The following IL20RB variants were observed in gnomAD, a reference collection of about 807,000 sequenced individuals.
IL20RB encodes interleukin-20 receptor subunit beta.
Under a neutral mutation model 33.3 loss-of-function variants are expected in IL20RB, and 21 were observed. The ratio of observed to expected loss-of-function variants is 0.63; its 90% CI spans 0.45 to 0.91. The LOEUF is 0.91. Ranked by LOEUF, IL20RB falls within the 40% of genes least tolerant of loss-of-function variation. The probability of loss-of-function intolerance (pLI) is 0.00; values close to 1 mark genes in which losing one functional copy is unlikely to be tolerated. For synonymous variants in IL20RB, 147 were observed against 146.8 expected, an observed-to-expected ratio of 1.00 and a Z score of -0.01; for missense variants, 345 against 384.8, an observed-to-expected ratio of 0.90 and a Z score of 0.86.
At chr3:136,988,576 C>CA (rs1941964223) in intron 3 of IL20RB, among the ~76,000 whole-genome samples, 1 of 151,854 alleles carries the variant, frequency 6.6e-6, no homozygotes, top group African/African-American at 2.4e-5. Context: ...CCCATCTCTA[C>CA]AAAAAATACA....
intron 1 of IL20RB, among the ~76,000 whole-genome samples, chr3:136,974,906 A>G (rs925381716): frequency 6.6e-6 from 1 of 152,120 alleles, no homozygotes; most frequent in Admixed American, 6.5e-5. Flanking sequence ...GAAGCTTTCA[A>G]ATGTATTTTG....
At chr3:137,006,435 C>T (rs1378289353) in intron 6 of IL20RB, among the ~76,000 whole-genome samples, 21 of 152,150 alleles carry the variant, frequency 1.4e-4, no homozygotes. Context: ...TTCACATAGT[C>T]CCATATTTCT....
intron 5 of IL20RB, among the ~76,000 whole-genome samples, chr3:136,992,922 A>G (rs922471142): frequency 6.6e-6 from 1 of 152,208 alleles, no homozygotes; most frequent in African/African-American, 2.4e-5. Context: ...CTGTAGTCCT[A>G]TAACATACAC....
chr3:136,990,795 G>A (rs1326505492), intron 4 of IL20RB, among the ~76,000 whole-genome samples: 7 of 151,428 alleles, frequency 4.6e-5, no homozygotes, highest in African/African-American at 1.2e-4. Flanking sequence ...CCCATGAAAG[G>A]TGGTGTGGGC....
intron 4 of IL20RB, among the ~76,000 whole-genome samples, chr3:136,991,065 G>A (rs1942022370): frequency 6.6e-6 from 1 of 152,206 alleles, no homozygotes; most frequent in Non-Finnish European, 1.5e-5. Context: ...ATCAGATGCA[G>A]AGCACAGCCT....
rs1386485066 is a variant in IL20RB at position 137,010,584 on chromosome 3, A to G, written c.*361A>G. The G allele has an allele frequency of 5.8e-6, 1 of 172,186 alleles. No individual in the cohort carries two copies. The highest frequency in any genetic ancestry group is 2.4e-5 in the African/African-American group (1 of 42,218). The allele number at this position is 172,186 out of a possible 1,614,324, so 10.7% of individuals were successfully genotyped here. The stretch of plus-strand genomic sequence containing the variant: ...TCTCTCTATATATACACACGTACAC[A>G]TAAATACACCCAGCACTTGCAAGGC... On this transcript the variant is annotated 3_prime_UTR_variant, in exon 7 of 7. Transcript: ENST00000329582.
At chr3:136,991,414 G>T (rs920856670) in intron 4 of IL20RB, among the ~76,000 whole-genome samples, 2 of 152,082 alleles carry the variant, frequency 1.3e-5, no homozygotes, top group Non-Finnish European at 2.9e-5. Context: ...TCAATGCTAG[G>T]TCCCTGTGCT....
chr3:136,995,887 G>A (rs1282828471), intron 6 of IL20RB, among the ~76,000 whole-genome samples: 1 of 152,200 alleles, frequency 6.6e-6, no homozygotes, highest in South Asian at 2.1e-4. Context: ...AGACTGGCCT[G>A]CTGAGCATTC....
intron 6 of IL20RB, among the ~76,000 whole-genome samples, chr3:137,003,033 T>A (rs1186598468): frequency 6.6e-6 from 1 of 152,226 alleles, no homozygotes; most frequent in East Asian, 1.9e-4. Context: ...GGGAATCCTT[T>A]CCCCATTTCT....
chr3:136,999,979 C>T lies in IL20RB; in HGVS notation c.825+4423C>T, dbSNP rs546011450. Among the ~76,000 whole-genome samples, 246 of 152,260 alleles carry T rather than the reference C, an allele frequency of 1.6e-3. 2 individuals carry two copies. The Middle Eastern group carries it at 0.017, about 11-fold the overall frequency. On this transcript the variant is annotated intron_variant, in intron 6 of 6. Transcript: ENST00000329582. ...TCTTTGCTAATTTCACCAGGTGGGT[C>T]ATGTCAAGGTTGGCCTCTATTGATC... is the stretch of plus-strand genomic sequence containing the variant.
intron 1 of IL20RB, among the ~76,000 whole-genome samples, chr3:136,971,739 A>T (rs995220854): frequency 4.6e-5 from 7 of 152,122 alleles, no homozygotes; most frequent in Non-Finnish European, 1.0e-4. Flanking sequence ...TCATCCACTG[A>T]TGGACACTTA....
intron 6 of IL20RB, among the ~76,000 whole-genome samples, chr3:136,998,916 T>A (rs539108758): frequency 6.6e-6 from 1 of 152,180 alleles, no homozygotes; most frequent in Non-Finnish European, 1.5e-5. Context: ...CATTCCCCTA[T>A]GTGAAATGTG....
At chr3:136,991,335 T>C (rs762999512) in intron 4 of IL20RB, among the ~76,000 whole-genome samples, 2 of 152,326 alleles carry the variant, frequency 1.3e-5, no homozygotes, top group South Asian at 2.1e-4. Flanking sequence ...CACCACCTGA[T>C]GTGTATTTTT....
At chr3:136,973,873 G>A (rs1425513861) in intron 1 of IL20RB, among the ~76,000 whole-genome samples, 2 of 152,008 alleles carry the variant, frequency 1.3e-5, no homozygotes, top group Non-Finnish European at 2.9e-5. Context: ...TTTGATATAA[G>A]TATAGCTACT....
intron 6 of IL20RB, among the ~76,000 whole-genome samples, chr3:137,003,083 T>C (rs986038342): frequency 6.6e-6 from 1 of 152,186 alleles, no homozygotes; most frequent in African/African-American, 2.4e-5. Flanking sequence ...TGGTTGTAGA[T>C]GTGTGGTGTT....
intron 4 of IL20RB, 55 bp downstream of exon 4, chr3:136,989,620 T>C (rs761472919): frequency 5.6e-6 from 9 of 1,603,852 alleles, no homozygotes; most frequent in Non-Finnish European, 7.7e-6. Flanking sequence ...GGCACAGATT[T>C]CTGAGGGTGA....
intron 6 of IL20RB, among the ~76,000 whole-genome samples, chr3:136,996,761 G>A (rs1052298426): frequency 1.3e-5 from 2 of 152,128 alleles, no homozygotes; most frequent in African/African-American, 4.8e-5. Context: ...CATAAAGCTT[G>A]GCAGTGTCCT....
In IL20RB at chr3:136,980,423, C is replaced by T; in HGVS notation, c.89-43C>T. On this transcript the variant is annotated intron_variant, in intron 1 of 6. Transcript: ENST00000329582. ...AATTTGAAGCTATGGCATTCCCCCA[C>T]TATGAGCCCACCTGTCAGCCAGGCT... The T allele has an allele frequency of 3.1e-6, 5 of 1,613,788 alleles. No individual in the cohort carries two copies. The East Asian group carries it at 8.9e-5, about 29-fold the overall frequency.
At chr3:136,989,078 A>G (rs184975929) in intron 3 of IL20RB, among the ~76,000 whole-genome samples, 1 of 152,326 alleles carries the variant, frequency 6.6e-6, no homozygotes, top group East Asian at 1.9e-4. Context: ...CAGGAGGGGC[A>G]TGGATCATAA....
Sources: gnomAD v4.1 joint callset for allele counts (sites outside exome capture counted in the v4.1 genomes callset) on GRCh38, gnomAD v4.1.1 for gene constraint, MANE v1.5 for transcripts, NCBI Gene and HGNC (gene_info 2026-07-23, HGNC 2026-07-21) for gene names.